Variants in IQCM observed in about 807,000 individuals in gnomAD.
The protein encoded by IQCM is IQ motif containing M.
Under a neutral mutation model 57.6 loss-of-function variants are expected in IQCM, and 45 were observed. The ratio of observed to expected loss-of-function variants is 0.78; its 90% CI spans 0.62 to 1.00. IQCM has a LOEUF of 1.00. Among genes scored for constraint, IQCM ranks in the 50% least tolerant of loss-of-function variants. The probability of loss-of-function intolerance (pLI) is 0.00; values close to 1 mark genes in which losing one functional copy is unlikely to be tolerated. For missense variants in IQCM, 468 were observed against 511.6 expected (o/e 0.91, Z 0.82); for synonymous variants, 148 against 158.9 (o/e 0.93, Z 0.51).
At chr4:149,381,720 A>AGTAT (rs60955059) in intron 13 of IQCM, among the ~76,000 whole-genome samples, 14,816 of 146,528 alleles carry the variant, frequency 0.1, 847 homozygotes, top group Non-Finnish European at 0.11. Flanking sequence ...TTTCCCCCAT[A>AGTAT]GTATGTATGT....
chr4:149,361,697 T>C (rs1729499939), intron 13 of IQCM, among the ~76,000 whole-genome samples: 1 of 152,056 alleles, frequency 6.6e-6, no homozygotes, highest in South Asian at 2.1e-4. Flanking sequence ...AGAAGATGTA[T>C]GGAAATGCCT....
chr4:149,812,736 G>C (rs1165592687), intron 2 of IQCM, among the ~76,000 whole-genome samples: 1 of 151,986 alleles, frequency 6.6e-6, no homozygotes. Flanking sequence ...CCTTATACCA[G>C]GTATAAAATG....
chr4:149,522,278 C>G (rs1745731994), intron 12 of IQCM, among the ~76,000 whole-genome samples: 1 of 152,120 alleles, frequency 6.6e-6, no homozygotes, highest in Admixed American at 6.5e-5. Flanking sequence ...CTTAAAGTAA[C>G]CAGTAGCTGG....
At chr4:149,687,589 A>AG (rs1472747293) in intron 5 of IQCM, among the ~76,000 whole-genome samples, 1 of 151,772 alleles carries the variant, frequency 6.6e-6, no homozygotes, top group Admixed American at 6.6e-5. Flanking sequence ...AGTGAACCCT[A>AG]ATTCATTCTA....
intron 7 of IQCM, among the ~76,000 whole-genome samples, chr4:149,659,573 T>A (rs1269323832): frequency 2.0e-5 from 3 of 152,082 alleles, no homozygotes; most frequent in South Asian, 2.1e-4. Context: ...CTACCTGACT[T>A]CAAACTATAC....
intron 5 of IQCM, among the ~76,000 whole-genome samples, chr4:149,687,313 T>C (rs1186589825): frequency 2.0e-5 from 3 of 151,536 alleles, no homozygotes; most frequent in Non-Finnish European, 4.4e-5. Context: ...AGAATATCAA[T>C]ATTGATTAAC....
chr4:149,538,908 C>T (rs1164587602), intron 12 of IQCM, among the ~76,000 whole-genome samples: 6 of 151,906 alleles, frequency 3.9e-5, no homozygotes, highest in South Asian at 2.1e-4. Flanking sequence ...AAAATGCTTG[C>T]AAATTATATA....
At chr4:149,444,281 T>A (rs534555430) in intron 12 of IQCM, among the ~76,000 whole-genome samples, 1 of 151,938 alleles carries the variant, frequency 6.6e-6, no homozygotes, top group African/African-American at 2.4e-5. Context: ...TTCTATAATA[T>A]ATAAATTTGT....
At chr4:149,616,211 G>A (rs1191788401) in intron 8 of IQCM, among the ~76,000 whole-genome samples, 2 of 152,066 alleles carry the variant, frequency 1.3e-5, no homozygotes, top group Non-Finnish European at 2.9e-5. Context: ...GTCCATTGAT[G>A]GGAGAATGGA....
chr4:149,630,943 T>C (rs907513615), intron 7 of IQCM, among the ~76,000 whole-genome samples: 1 of 152,138 alleles, frequency 6.6e-6, no homozygotes, highest in East Asian at 1.9e-4. Context: ...ACTTAGCAGG[T>C]AAACAATTCC....
At chr4:149,771,400 T>A (rs1282923358) in intron 2 of IQCM, among the ~76,000 whole-genome samples, 1 of 152,106 alleles carries the variant, frequency 6.6e-6, no homozygotes, top group Non-Finnish European at 1.5e-5. Context: ...GTGTCACGCT[T>A]AAATGTCATA....
intron 2 of IQCM, among the ~76,000 whole-genome samples, chr4:149,811,922 G>A (rs1774600087): frequency 6.6e-6 from 1 of 152,072 alleles, no homozygotes; most frequent in African/African-American, 2.4e-5. Context: ...ATTTCAAACA[G>A]TTCAAAAAAG....
chr4:149,495,767 CAGTT>C (rs975983091), intron 12 of IQCM, among the ~76,000 whole-genome samples: 1 of 152,020 alleles, frequency 6.6e-6, no homozygotes, highest in African/African-American at 2.4e-5. Flanking sequence ...AAAGGTAACT[CAGTT>C]AGAGAAGCCA....
chr4:149,797,952 A>C lies in IQCM; in HGVS notation c.-49+17359T>G, dbSNP rs545680812. Among the ~76,000 whole-genome samples, 11 of 150,472 alleles carry C rather than the reference A, an allele frequency of 7.3e-5. 1 individual carries two copies. Among genetic ancestry groups the C allele is most frequent in the Middle Eastern group, 3.4e-3 (1 of 294 alleles). On this transcript the variant is annotated intron_variant, in intron 2 of 13. Transcript: ENST00000636793. ...AAATGCTAAAGAGAGTACTTCAATC[A>C]GAAAAAAAAAAGACATTAATGAGCA...
At chr4:149,612,464 G>T (rs1755383892) in intron 8 of IQCM, among the ~76,000 whole-genome samples, 2 of 151,978 alleles carry the variant, frequency 1.3e-5, no homozygotes, top group African/African-American at 2.4e-5. Context: ...TACAACCTTT[G>T]TGAAACAAGG....
At chr4:149,610,665 T>C (rs1002675963) in intron 8 of IQCM, among the ~76,000 whole-genome samples, 2 of 151,954 alleles carry the variant, frequency 1.3e-5, no homozygotes, top group African/African-American at 4.8e-5. Context: ...TGAACATCCA[T>C]AGGCAGAAGA....
intron 7 of IQCM, among the ~76,000 whole-genome samples, chr4:149,661,260 T>C (rs1486969337): frequency 1.3e-5 from 2 of 152,204 alleles, no homozygotes; most frequent in Admixed American, 6.6e-5. Flanking sequence ...ATATCACATT[T>C]ATTGATTTGC....
intron 3 of IQCM, chr4:149,737,676 A>G (rs1767069184): frequency 6.6e-6 from 1 of 152,156 alleles, no homozygotes; most frequent in African/African-American, 2.4e-5. Context: ...TTCAAGCCAA[A>G]AGAAGCACTG....
intron 5 of IQCM, among the ~76,000 whole-genome samples, chr4:149,699,429 G>A (rs1314900279): frequency 1.3e-5 from 2 of 151,848 alleles, no homozygotes. Context: ...ATCTTCCCCG[G>A]GTTACCCTCT....
Sources: gnomAD v4.1 joint callset for allele counts (sites outside exome capture counted in the v4.1 genomes callset) on GRCh38, gnomAD v4.1.1 for gene constraint, MANE v1.5 for transcripts, NCBI Gene and HGNC (gene_info 2026-07-23, HGNC 2026-07-21) for gene names.